The following MVB12B variants were observed in gnomAD, a reference collection of about 807,000 sequenced individuals.
MVB12B encodes the protein ESCRT-I complex subunit MVB12B.
A neutral mutation model predicts 41.6 loss-of-function variants in MVB12B; 16 were observed. The ratio of observed to expected loss-of-function variants is 0.38; its 90% CI spans 0.26 to 0.58. The LOEUF (loss-of-function observed/expected upper bound fraction) is 0.58, where lower values mean the gene tolerates loss of function less well. MVB12B is among the 20% of genes least tolerant of loss of function. MVB12B has a pLI of 0.62. For synonymous variants in MVB12B, 133 were observed against 139.7 expected, an observed-to-expected ratio of 0.95 and a Z score of 0.34; for missense variants, 274 against 380.2, an observed-to-expected ratio of 0.72 and a Z score of 2.32.
chr9:126,381,093 T>C lies in MVB12B; in HGVS notation c.234T>C (p.Ala78=), dbSNP rs373074022. The part of the protein sequence containing the change: ...VVAQTADGVD[A]DLWKDGLFKS... Reference sequence around the variant, plus strand: ...CACAGACAGCAGATGGTGTGGATGCTGACCTCTGGAAAGACGGCTTATTTA... The same window carrying C: ...CACAGACAGCAGATGGTGTGGATGCCGACCTCTGGAAAGACGGCTTATTTA... Residue 78 remains alanine (A), a synonymous_variant, in exon 3 of 10, where the codon GCT becomes GCC. Coordinates refer to ENST00000361171, the MANE Select transcript of MVB12B (RefSeq NM_033446.3). 5 of 1,614,036 alleles carry C rather than the reference T, an allele frequency of 3.1e-6. No homozygotes were observed. In the Admixed American group the frequency reaches 8.3e-5, roughly 27 times the overall value.
chr9:126,413,820 G>T (rs976422373), intron 6 of MVB12B, among the ~76,000 whole-genome samples: 8 of 52,340 alleles, frequency 1.5e-4, no homozygotes, highest in South Asian at 2.2e-3. Context: ...CCCATTGGTT[G>T]TGTGTGTGTG....
chr9:126,434,312 G>T (rs1430311305), intron 7 of MVB12B, among the ~76,000 whole-genome samples: 1 of 152,186 alleles, frequency 6.6e-6, no homozygotes, highest in African/African-American at 2.4e-5. Context: ...CTATCCCAGA[G>T]AATAAGGTTC....
chr9:126,465,681 TG>T (rs944611174), intron 7 of MVB12B, among the ~76,000 whole-genome samples: 7 of 77,696 alleles, frequency 9.0e-5, no homozygotes, highest in African/African-American at 2.6e-4. Flanking sequence ...GGGCGGGGGG[TG>T]GGGGGAGCAC....
chr9:126,458,451 C>T (rs1833029773), intron 7 of MVB12B, among the ~76,000 whole-genome samples: 1 of 152,238 alleles, frequency 6.6e-6, no homozygotes, highest in African/African-American at 2.4e-5. Context: ...TCACTCAACA[C>T]TGGCTCTTAA....
At chr9:126,482,706 G>A (rs543824674) in intron 8 of MVB12B, among the ~76,000 whole-genome samples, 233 of 152,344 alleles carry the variant, frequency 1.5e-3, no homozygotes, top group Non-Finnish European at 2.7e-3. Context: ...GCACCACACT[G>A]TTCCGTGGCT....
rs1451416844 is a variant in MVB12B at position 126,366,767 on chromosome 9, A to G, written c.205-14297A>G. On this transcript the variant is annotated intron_variant, in intron 2 of 9. Coordinates refer to ENST00000361171, the MANE Select transcript of MVB12B (RefSeq NM_033446.3). ...TCCCACCCAGCCTCCTGCACTGAGC[A>G]TTCTTCTCTCACTTGGCGTCTGGCC... 2.6e-5 allele frequency among the ~76,000 whole-genome samples: 4 copies of G among 151,882 alleles called. No individual in the cohort carries two copies. In the South Asian group the frequency reaches 6.2e-4, roughly 24 times the overall value.
At chr9:126,489,377 G>A (rs899154751) in intron 9 of MVB12B, among the ~76,000 whole-genome samples, 1 of 152,260 alleles carries the variant, frequency 6.6e-6, no homozygotes, top group Admixed American at 6.5e-5. Flanking sequence ...AGGGCACCTG[G>A]CAGCTGGTGG....
At chr9:126,500,193 A>C (rs1833924690) in intron 9 of MVB12B, among the ~76,000 whole-genome samples, 1 of 150,974 alleles carries the variant, frequency 6.6e-6, no homozygotes, top group South Asian at 2.1e-4. Flanking sequence ...GGCCCAGTAG[A>C]TACAGCAAGA....
intron 9 of MVB12B, among the ~76,000 whole-genome samples, chr9:126,497,859 A>T (rs1346722737): frequency 2.0e-5 from 3 of 152,174 alleles, no homozygotes; most frequent in Non-Finnish European, 2.9e-5. Context: ...TCCAAACCGA[A>T]CAGTTGCTCA....
chr9:126,501,448 C>T (rs1029806621), intron 9 of MVB12B, among the ~76,000 whole-genome samples: 12 of 152,238 alleles, frequency 7.9e-5, no homozygotes, highest in Non-Finnish European at 1.5e-4. Flanking sequence ...GGGCTCCCTT[C>T]GGTTTGGGGG....
At chr9:126,369,125 G>A (rs939794751) in intron 2 of MVB12B, among the ~76,000 whole-genome samples, 2 of 152,228 alleles carry the variant, frequency 1.3e-5, no homozygotes, top group African/African-American at 2.4e-5. Flanking sequence ...CCTTGTTAAC[G>A]TTGTTGGATT....
intron 1 of MVB12B, chr9:126,335,484 G>C: frequency 9.3e-7 from 1 of 1,075,806 alleles, no homozygotes; most frequent in African/African-American, 1.6e-5. Flanking sequence ...CTGGCCACAG[G>C]TTCCCTCCTT....
At chr9:126,393,728 C>T (rs1831023732) in intron 5 of MVB12B, among the ~76,000 whole-genome samples, 1 of 152,244 alleles carries the variant, frequency 6.6e-6, no homozygotes, top group Non-Finnish European at 1.5e-5. Flanking sequence ...GTGCACTTTA[C>T]TCGGTGTGGC....
At chr9:126,498,131 A>C (rs1316907892) in intron 9 of MVB12B, among the ~76,000 whole-genome samples, 1 of 152,190 alleles carries the variant, frequency 6.6e-6, no homozygotes, top group Non-Finnish European at 1.5e-5. Context: ...CCTCATCTTC[A>C]GGAAACAGAT....
At chr9:126,370,634 G>A (rs563360752) in intron 2 of MVB12B, among the ~76,000 whole-genome samples, 3 of 152,104 alleles carry the variant, frequency 2.0e-5, no homozygotes, top group East Asian at 3.9e-4. Context: ...CACCCACCTC[G>A]ACCTCCCAAA....
At chr9:126,497,826 G>T (rs945807639) in intron 9 of MVB12B, among the ~76,000 whole-genome samples, 15 of 152,250 alleles carry the variant, frequency 9.9e-5, no homozygotes, top group Non-Finnish European at 1.5e-4. Context: ...CCCTGCAGCT[G>T]CTGGAAGAAG....
intron 2 of MVB12B, among the ~76,000 whole-genome samples, chr9:126,364,838 G>T (rs1425863706): frequency 2.6e-5 from 4 of 151,858 alleles, no homozygotes; most frequent in Non-Finnish European, 5.9e-5. Context: ...TGCAAGCTCC[G>T]CCTCCCGGGT....
chr9:126,426,522 T>A (rs939363138), intron 7 of MVB12B, among the ~76,000 whole-genome samples: 2 of 152,192 alleles, frequency 1.3e-5, no homozygotes, highest in African/African-American at 4.8e-5. Flanking sequence ...CTTAAGAACA[T>A]CTTATCTTTC....
In MVB12B at chr9:126,506,356, G is replaced by GAA. The variant is rs1834070955; in HGVS notation, c.*3094_*3095insAA. The stretch of plus-strand genomic sequence containing the variant: ...GCTCCTTGTCAGAGTTGAAGAGGCT[G>GAA]ACTTGGCCCACTGCTAAGCGGCAGA... On this transcript the variant is annotated 3_prime_UTR_variant, in exon 10 of 10. Transcript: ENST00000361171. 1 of 35,922 alleles carries GAA rather than the reference G, an allele frequency of 2.8e-5. No homozygotes were observed. The highest frequency in any genetic ancestry group is 5.4e-5 in the Non-Finnish European group (1 of 18,444). The allele number at this position is 35,922 out of a possible 1,614,324, so 2.2% of individuals were successfully genotyped here.
Sources: allele counts gnomAD v4.1 joint callset (sites outside exome capture counted in the v4.1 genomes callset), GRCh38; gene constraint gnomAD v4.1.1; transcripts MANE v1.5; gene names NCBI Gene and HGNC (gene_info 2026-07-23, HGNC 2026-07-21).